Variants in SASH1 observed in about 807,000 individuals in gnomAD.
SASH1 encodes SAM and SH3 domain containing 1.
Under a neutral mutation model 125.2 loss-of-function variants are expected in SASH1, and 44 were observed. The observed-to-expected ratio is 0.35, with a 90% CI of 0.28 to 0.45. The LOEUF is 0.45. Among genes scored for constraint, SASH1 ranks in the 20% least tolerant of loss-of-function variants. The pLI is 1.00. For missense variants in SASH1, 1,426 were observed against 1,614.5 expected (o/e 0.88, Z 2.00); for synonymous variants, 639 against 649.1 (o/e 0.98, Z 0.24).
the SASH1 span, among the ~76,000 whole-genome samples, chr6:148,196,946 G>A: frequency 4.6e-5 from 7 of 152,174 alleles, no homozygotes; most frequent in South Asian, 2.1e-4. Flanking sequence ...AGGCAGAAAC[G>A]CCTCTGGTGA....
At chr6:148,207,634 G>A in the SASH1 span, among the ~76,000 whole-genome samples, 1 of 152,278 alleles carries the variant, frequency 6.6e-6, no homozygotes, top group South Asian at 2.1e-4. Flanking sequence ...TTGAGATGTT[G>A]GGATGGCGCA....
At chr6:148,447,443 T>C (rs540706877) in intron 4 of SASH1, among the ~76,000 whole-genome samples, 21 of 152,350 alleles carry the variant, frequency 1.4e-4, no homozygotes, top group Admixed American at 1.3e-3. Flanking sequence ...CTTTTGATAA[T>C]GTCAGCTTTC....
intron 8 of SASH1, chr6:148,508,717 A>G (rs1779943340): frequency 6.6e-6 from 8 of 1,208,038 alleles, no homozygotes; most frequent in Non-Finnish European, 8.4e-6. Flanking sequence ...CTGCCTGATC[A>G]TGTAACTCCA....
intron 1 of SASH1, among the ~76,000 whole-genome samples, chr6:148,377,195 CA>C (rs371487493): frequency 1.1e-3 from 128 of 121,830 alleles, no homozygotes; most frequent in African/African-American, 3.0e-3. Flanking sequence ...AAAAAAAAAA[CA>C]AAAAAAAAAC....
rs139877337 is a variant in SASH1, at chr6:148,549,895, A to C, written c.*1337A>C. On this transcript the variant is annotated 3_prime_UTR_variant, in exon 20 of 20. Coordinates refer to ENST00000367467, the MANE Select transcript of SASH1 (RefSeq NM_015278.5). Reference sequence around the variant, plus strand: ...CACGATCTTGGCTCACTGCAACCTCAGTCTCCCAGGTTCAAGTGATTCTCC... The same window carrying C: ...CACGATCTTGGCTCACTGCAACCTCCGTCTCCCAGGTTCAAGTGATTCTCC... 925 of 214,580 alleles carry C rather than the reference A, an allele frequency of 4.3e-3. 7 individuals carry two copies. Among genetic ancestry groups the C allele is most frequent in the African/African-American group, 0.015 (675 of 43,996 alleles). 13.3% of individuals were successfully genotyped at this position (214,580 alleles called of 1,614,324 possible).
At chr6:148,464,374 C>T (rs1204600684) in intron 4 of SASH1, among the ~76,000 whole-genome samples, 1 of 152,188 alleles carries the variant, frequency 6.6e-6, no homozygotes, top group Non-Finnish European at 1.5e-5. Context: ...TTAATTATTG[C>T]TTCCTGGTCA....
the SASH1 span, among the ~76,000 whole-genome samples, chr6:148,264,322 G>A: frequency 2.6e-5 from 4 of 152,102 alleles, no homozygotes; most frequent in African/African-American, 9.7e-5. Flanking sequence ...TGAAGGATTA[G>A]GTTCATAGAA....
At chr6:148,329,443 T>A (rs1032879806) in intron 1 of SASH1, among the ~76,000 whole-genome samples, 1 of 152,210 alleles carries the variant, frequency 6.6e-6, no homozygotes, top group African/African-American at 2.4e-5. Flanking sequence ...AGGCACTATT[T>A]AAAGAAATAA....
chr6:148,463,467 T>C (rs576033254), intron 4 of SASH1, among the ~76,000 whole-genome samples: 1 of 151,764 alleles, frequency 6.6e-6, no homozygotes, highest in East Asian at 1.9e-4. Flanking sequence ...TAAAACGGAG[T>C]TTAATAATAT....
intron 2 of SASH1, among the ~76,000 whole-genome samples, chr6:148,405,984 C>G (rs2114887281): frequency 6.6e-6 from 1 of 152,244 alleles, no homozygotes; most frequent in African/African-American, 2.4e-5. Flanking sequence ...GAAGTGGCCT[C>G]CATGGTAAAA....
chr6:148,548,995 G>GACTC lies in SASH1; in HGVS notation c.*439_*442dup, dbSNP rs957316836. ...TGGGCTTAGCTAGGCCAAAGTAACA[G>GACTC]ACTCAAGAGTTATTGTACATTACTG... is the stretch of plus-strand genomic sequence containing the variant. On this transcript the variant is annotated 3_prime_UTR_variant, in exon 20 of 20. Transcript: ENST00000367467. The GACTC allele has an allele frequency of 6.3e-6, 1 of 159,276 alleles. No individual in the cohort carries two copies. The highest frequency in any genetic ancestry group is 2.5e-5 in the African/African-American group (1 of 40,414). The allele number at this position is 159,276 out of a possible 1,614,324, so 9.9% of individuals were successfully genotyped here. A position where few individuals can be genotyped will look rare whatever the true frequency, so the allele number is the denominator to read the frequency against.
intron 1 of SASH1, among the ~76,000 whole-genome samples, chr6:148,288,181 T>A (rs1176737028): frequency 6.6e-6 from 1 of 152,208 alleles, no homozygotes; most frequent in Non-Finnish European, 1.5e-5. Flanking sequence ...TCCCTGGATT[T>A]AATGATAACT....
chr6:148,247,643 G>A, the SASH1 span, among the ~76,000 whole-genome samples: 1 of 152,040 alleles, frequency 6.6e-6, no homozygotes, highest in African/African-American at 2.4e-5. Context: ...GTTTTACTGG[G>A]GCCTAAACCT....
Position 148,533,457 on chromosome 6 carries a change from C to T in SASH1, c.1735-314C>T, listed in dbSNP as rs1263191947. 2.6e-5 allele frequency among the ~76,000 whole-genome samples: 4 copies of T among 152,152 alleles called. No individual in the cohort carries two copies. The highest frequency in any genetic ancestry group is 6.5e-5 in the Admixed American group (1 of 15,280). On this transcript the variant is annotated intron_variant, in intron 14 of 19. Transcript: ENST00000367467. The surrounding 1 kb of genome is among the most constrained non-coding windows in gnomAD (Gnocchi z 6.2). ...GAGCCCTCTGAGGAGGGAAGGCGTTCAGAGTGCCGGGCGGGCAGCCTGGCT... is the reference window on the plus strand; with the variant it reads ...GAGCCCTCTGAGGAGGGAAGGCGTTTAGAGTGCCGGGCGGGCAGCCTGGCT...
chr6:148,497,816 T>G (rs1333766273), intron 8 of SASH1, among the ~76,000 whole-genome samples: 4 of 152,338 alleles, frequency 2.6e-5, no homozygotes, highest in Middle Eastern at 3.4e-3. Context: ...AGGGTGGGTC[T>G]GGTATGATTT....
At chr6:148,418,286 G>A (rs959651934) in intron 2 of SASH1, among the ~76,000 whole-genome samples, 8 of 152,018 alleles carry the variant, frequency 5.3e-5, no homozygotes, top group African/African-American at 1.9e-4. Context: ...TCCTTACCAC[G>A]CCACTCAGCT....
the SASH1 span, among the ~76,000 whole-genome samples, chr6:148,206,862 A>ATACATTATG: frequency 1.3e-5 from 2 of 151,896 alleles, no homozygotes; most frequent in Non-Finnish European, 2.9e-5. Flanking sequence ...GCATTAAAAA[A>ATACATTATG]CATTCAGCTT....
chr6:148,314,264 C>T (rs775770314), intron 1 of SASH1, among the ~76,000 whole-genome samples: 6 of 152,160 alleles, frequency 3.9e-5, no homozygotes, highest in African/African-American at 7.2e-5. Flanking sequence ...AACTCCAAGG[C>T]CACAGCTACA....
At chr6:148,486,255 G>A (rs1352896928) in intron 7 of SASH1, among the ~76,000 whole-genome samples, 6 of 152,024 alleles carry the variant, frequency 3.9e-5, no homozygotes, top group Admixed American at 3.3e-4. Flanking sequence ...TGAGTAGCTG[G>A]GATTACAGGC....
Sources: allele counts gnomAD v4.1 joint callset (sites outside exome capture counted in the v4.1 genomes callset), GRCh38; gene constraint gnomAD v4.1.1; non-coding constraint Gnocchi (gnomAD v3.1); transcripts MANE v1.5; gene names NCBI Gene and HGNC (gene_info 2026-07-23, HGNC 2026-07-21).